ARHGEF33: variants seen among roughly 807,000 people sequenced by gnomAD.
ARHGEF33 encodes the protein Rho guanine nucleotide exchange factor 33.
ARHGEF33 carries 72 observed loss-of-function variants against 101.9 expected under a neutral mutation model. The ratio of observed to expected loss-of-function variants is 0.71; its 90% confidence interval spans 0.58 to 0.86. The LOEUF is 0.86. Ranked by LOEUF, ARHGEF33 falls within the 40% of genes least tolerant of loss-of-function variation. ARHGEF33 has a pLI of 0.00. For synonymous variants in ARHGEF33, 499 were observed against 442.5 expected, an observed-to-expected ratio of 1.13 and a Z score of -1.60; for missense variants, 1,169 against 1,111.3, an observed-to-expected ratio of 1.05 and a Z score of -0.74.
At chr2:38,937,794 T>G (rs539945704) in intron 9 of ARHGEF33, among the ~76,000 whole-genome samples, 33 of 152,144 alleles carry the variant, frequency 2.2e-4, no homozygotes, top group Non-Finnish European at 3.2e-4. Flanking sequence ...AGTAATGGAG[T>G]GCTGTGGGCG....
chr2:38,973,614 C>CA lies in ARHGEF33; in HGVS notation c.2484-98dup, dbSNP rs1374798803. On this transcript the variant is annotated intron_variant, in intron 17 of 17. Coordinates refer to ENST00000409978, the MANE Select transcript of ARHGEF33 (RefSeq NM_001145451.5). ...TAAAAAGTATTCCAGTTCTAGGAAG[C>CA]AACTGTTTTACAAATGCAAAACAAT... 7 of 1,297,766 alleles carry CA rather than the reference C, an allele frequency of 5.4e-6. No individual in the cohort carries two copies. In the Admixed American group the frequency reaches 2.2e-4, roughly 42 times the overall value. The allele number at this position is 1,297,766 out of a possible 1,614,324, so 80.4% of individuals were successfully genotyped here. A position where few individuals can be genotyped will look rare whatever the true frequency, so the allele number is the denominator to read the frequency against.
intron 4 of ARHGEF33, among the ~76,000 whole-genome samples, chr2:38,923,852 C>G (rs944843800): frequency 1.3e-5 from 2 of 152,086 alleles, no homozygotes; most frequent in African/African-American, 2.4e-5. Flanking sequence ...AAATTCAAAC[C>G]ATAAAATTTT....
chr2:38,924,824 G>A (rs1666837489), intron 4 of ARHGEF33, among the ~76,000 whole-genome samples: 1 of 151,910 alleles, frequency 6.6e-6, no homozygotes, highest in Non-Finnish European at 1.5e-5. Flanking sequence ...TTGACCCACA[G>A]GCATTTCATA....
rs2124991343 is a variant in ARHGEF33, at chr2:38,919,485, CTA to C, written c.25+15_25+16del. On this transcript the variant is annotated intron_variant, in intron 3 of 17. Coordinates refer to ENST00000409978, the MANE Select transcript of ARHGEF33 (RefSeq NM_001145451.5). Reference sequence around the variant, plus strand: ...AAAACAAAGCAAGGTCAGATTTTTCCTATGTCTTGCTTTAGGACTTAGGATTC... The same window carrying C: ...AAAACAAAGCAAGGTCAGATTTTTCCTGTCTTGCTTTAGGACTTAGGATTC... 3.2e-6 allele frequency: 5 copies of C among 1,551,596 alleles called. No individual in the cohort carries two copies. The highest frequency in any genetic ancestry group is 1.7e-4 in the Middle Eastern group (1 of 5,990).
chr2:38,959,650 G>A (rs894227820), intron 15 of ARHGEF33, 191 bp from the exon 16 acceptor site: 1 of 589,714 alleles, frequency 1.7e-6, no homozygotes, highest in African/African-American at 1.9e-5. Context: ...GCCTCCGCTC[G>A]ACGGACTGCC....
intron 9 of ARHGEF33, 83 bp downstream of exon 9, chr2:38,937,642 C>T (rs148741488): frequency 7.1e-6 from 6 of 850,696 alleles, no homozygotes; most frequent in Non-Finnish European, 1.1e-5. Flanking sequence ...AGAATCCTTG[C>T]CGTTTAGATT....
intron 15 of ARHGEF33, among the ~76,000 whole-genome samples, chr2:38,958,553 A>G (rs1408059897): frequency 6.6e-6 from 1 of 152,244 alleles, no homozygotes; most frequent in Non-Finnish European, 1.5e-5. Context: ...CACTCTGCGT[A>G]TGGAAAATAA....
intron 2 of ARHGEF33, among the ~76,000 whole-genome samples, chr2:38,899,119 A>T (rs975371185): frequency 1.3e-5 from 2 of 152,108 alleles, no homozygotes; most frequent in African/African-American, 4.8e-5. Flanking sequence ...GATTATAAAC[A>T]TCTCCTGAAA....
intron 16 of ARHGEF33, among the ~76,000 whole-genome samples, chr2:38,962,839 C>T (rs1667974848): frequency 7.9e-6 from 1 of 125,844 alleles, no homozygotes; most frequent in Non-Finnish European, 1.6e-5. Flanking sequence ...ACGGTGAAAC[C>T]CCGTCTCTAC....
chr2:38,963,254 C>G (rs1291711024), intron 16 of ARHGEF33, among the ~76,000 whole-genome samples: 2 of 152,188 alleles, frequency 1.3e-5, no homozygotes, highest in Non-Finnish European at 2.9e-5. Context: ...AAGGTATCAA[C>G]TCTTTGCTTT....
chr2:38,947,962 G>A (rs1263389626), intron 10 of ARHGEF33, among the ~76,000 whole-genome samples: 6 of 152,000 alleles, frequency 3.9e-5, no homozygotes, highest in Non-Finnish European at 8.8e-5. Flanking sequence ...AACTATAACT[G>A]GATTTTTCTT....
chr2:38,920,398 CTTTTTTTTTTTTT>C (rs61429948), intron 3 of ARHGEF33, among the ~76,000 whole-genome samples: 1 of 77,822 alleles, frequency 1.3e-5, no homozygotes, highest in African/African-American at 5.2e-5. Flanking sequence ...TCTTTCTTTC[CTTTTTTTTTTTTT>C]TTTTTTTTTT....
intron 4 of ARHGEF33, among the ~76,000 whole-genome samples, chr2:38,925,139 T>C (rs1377474807): frequency 6.6e-6 from 1 of 152,212 alleles, no homozygotes; most frequent in African/African-American, 2.4e-5. Context: ...ACATCTGCAT[T>C]TATATGCATA....
At chr2:38,962,538 C>A (rs1439465398) in intron 16 of ARHGEF33, among the ~76,000 whole-genome samples, 3 of 152,148 alleles carry the variant, frequency 2.0e-5, no homozygotes, top group African/African-American at 7.2e-5. Flanking sequence ...CAGCAAGTTT[C>A]ATCTCCTAAC....
intron 2 of ARHGEF33, among the ~76,000 whole-genome samples, chr2:38,898,857 A>G (rs1666179018): frequency 6.6e-6 from 1 of 152,182 alleles, no homozygotes; most frequent in Non-Finnish European, 1.5e-5. Context: ...TATGTGTATA[A>G]TGTATCTTAT....
intron 4 of ARHGEF33, among the ~76,000 whole-genome samples, chr2:38,924,326 T>C (rs1443213580): frequency 6.6e-6 from 1 of 152,230 alleles, no homozygotes; most frequent in Non-Finnish European, 1.5e-5. Flanking sequence ...CCTTTTTCTC[T>C]TATCCTTTGT....
intron 1 of ARHGEF33, among the ~76,000 whole-genome samples, chr2:38,893,312 G>A (rs141334882): frequency 3.0e-4 from 46 of 152,046 alleles, no homozygotes; most frequent in South Asian, 8.3e-4. Context: ...ACAGGCACCC[G>A]CCACCATGGG....
chr2:38,965,645 G>T (rs186102107), intron 16 of ARHGEF33, among the ~76,000 whole-genome samples: 1 of 152,222 alleles, frequency 6.6e-6, no homozygotes, highest in Non-Finnish European at 1.5e-5. Context: ...TAGCACGACA[G>T]TGTTGGTGTC....
chr2:38,963,795 A>G (rs1048250409), intron 16 of ARHGEF33, among the ~76,000 whole-genome samples: 2 of 152,184 alleles, frequency 1.3e-5, no homozygotes, highest in African/African-American at 4.8e-5. Context: ...GGTGATTGAT[A>G]TAAACATTAA....
Sources: gnomAD v4.1 joint callset for allele counts (sites outside exome capture counted in the v4.1 genomes callset) on GRCh38, gnomAD v4.1.1 for gene constraint, MANE v1.5 for transcripts, NCBI Gene and HGNC (gene_info 2026-07-23, HGNC 2026-07-21) for gene names.